The following UBE4B variants were observed in gnomAD, a reference collection of about 807,000 sequenced individuals.
The protein encoded by UBE4B is ubiquitination factor E4B.
A neutral mutation model predicts 148.1 loss-of-function variants in UBE4B; 27 were observed. That is an observed-to-expected ratio of 0.18 (90% CI 0.13 to 0.25). The LOEUF (loss-of-function observed/expected upper bound fraction) is 0.25. Ranked by LOEUF, UBE4B falls within the 10% of genes least tolerant of loss-of-function variation. UBE4B has a pLI of 1.00. For synonymous variants in UBE4B, 596 were observed against 619.3 expected (o/e 0.96, Z 0.56); for missense variants, 1,170 against 1,662.4 (o/e 0.70, Z 5.15).
At chr1:10,112,520 C>T (rs1645238604) in intron 7 of UBE4B, among the ~76,000 whole-genome samples, 1 of 152,182 alleles carries the variant, frequency 6.6e-6, no homozygotes, top group South Asian at 2.1e-4. Context: ...CTGCCTCAGC[C>T]TCCCAGGTAG....
At chr1:10,075,369 G>A (rs745635633) in intron 2 of UBE4B, among the ~76,000 whole-genome samples, 1 of 152,146 alleles carries the variant, frequency 6.6e-6, no homozygotes, top group Non-Finnish European at 1.5e-5. Flanking sequence ...TATTACCCAG[G>A]TCCAAGGCAC....
intron 2 of UBE4B, among the ~76,000 whole-genome samples, chr1:10,078,466 CTG>C (rs1440878407): frequency 6.6e-6 from 1 of 152,150 alleles, no homozygotes; most frequent in East Asian, 1.9e-4. Flanking sequence ...TGTTTAATAT[CTG>C]TGTTTATTAA....
At chr1:10,175,187 T>A (rs890401870) in intron 25 of UBE4B, among the ~76,000 whole-genome samples, 6 of 152,026 alleles carry the variant, frequency 3.9e-5, no homozygotes, top group Admixed American at 3.3e-4. Flanking sequence ...ACCACATTGG[T>A]CCTGGGAGCC....
intron 15 of UBE4B, 50 bp downstream of exon 15, chr1:10,132,532 G>T: frequency 1.9e-6 from 3 of 1,547,372 alleles, no homozygotes. Flanking sequence ...TCATTCATCT[G>T]ACCCAGATTT....
At chr1:10,052,113 C>G (rs1371171554) in intron 1 of UBE4B, among the ~76,000 whole-genome samples, 1 of 151,394 alleles carries the variant, frequency 6.6e-6, no homozygotes, top group African/African-American at 2.4e-5. Context: ...GTCACCCAGG[C>G]TGGAGTGTAG....
At chr1:10,171,034 A>T (rs918702223) in intron 24 of UBE4B, 104 bp from the exon 25 acceptor site, 3 of 1,232,272 alleles carry the variant, frequency 2.4e-6, no homozygotes, top group Non-Finnish European at 3.4e-6. Flanking sequence ...GATTCTTTGA[A>T]GATTAATCCA....
At chr1:10,160,455 C>T (rs1431090395) in intron 22 of UBE4B, among the ~76,000 whole-genome samples, 1 of 152,046 alleles carries the variant, frequency 6.6e-6, no homozygotes, top group Non-Finnish European at 1.5e-5. Flanking sequence ...TGCTGGTAAG[C>T]CTGCTCTGGG....
At chr1:10,173,003 G>A (rs1014935457) in intron 25 of UBE4B, among the ~76,000 whole-genome samples, 1 of 152,146 alleles carries the variant, frequency 6.6e-6, no homozygotes, top group African/African-American at 2.4e-5. Context: ...GAGCCTCGAC[G>A]TGGTGTAGGC....
At position 10,117,559 on chromosome 1, in the gene UBE4B, T is replaced by G. The variant is rs768400495; in HGVS notation, c.1297T>G (p.Cys433Gly). Residue 433 changes from cysteine to glycine, a missense_variant, in exon 8 of 28, where the codon TGT becomes GGT. Physicochemically the swap from Cys to Gly is radical, Grantham distance 159 (BLOSUM62 -3). Around this residue, in one of 6 missense-constraint regions of UBE4B, gnomAD observed 388 missense variants for 536.0 expected, o/e 0.72. Coordinates refer to ENST00000343090, the MANE Select transcript of UBE4B (RefSeq NM_001105562.3). ...ETDMLNYLIE[C>G]FDRVGIEEKK... Reference sequence around the variant, plus strand: ...AGATATGCTGAACTACCTCATCGAGTGTTTCGACCGAGTTGGAATAGAGGA... The same window carrying G: ...AGATATGCTGAACTACCTCATCGAGGGTTTCGACCGAGTTGGAATAGAGGA... 1 of 1,607,224 alleles carries G rather than the reference T, an allele frequency of 6.2e-7. No individual in the cohort carries two copies. The highest frequency in any genetic ancestry group is 1.3e-5 in the African/African-American group (1 of 74,304).
At chr1:10,172,111 G>T (rs1646347830) in intron 25 of UBE4B, among the ~76,000 whole-genome samples, 2 of 152,174 alleles carry the variant, frequency 1.3e-5, no homozygotes, top group South Asian at 4.2e-4. Flanking sequence ...ATCTTGTGTG[G>T]TTTTCTTTAC....
chr1:10,158,240 C>T, intron 21 of UBE4B, 116 bp from the exon 22 acceptor site: 1 of 1,341,712 alleles, frequency 7.5e-7, no homozygotes, highest in Non-Finnish European at 1.0e-6. Context: ...TGCAAAATTT[C>T]ACCAGCTCTC....
At chr1:10,034,286 A>G (rs759085308) in intron 1 of UBE4B, among the ~76,000 whole-genome samples, 11 of 152,158 alleles carry the variant, frequency 7.2e-5, no homozygotes, top group Non-Finnish European at 1.3e-4. Context: ...GACTTCTGGC[A>G]TTCTTCTGTT....
intron 2 of UBE4B, among the ~76,000 whole-genome samples, chr1:10,083,945 G>A (rs1007647634): frequency 6.6e-6 from 1 of 152,148 alleles, no homozygotes; most frequent in East Asian, 1.9e-4. Flanking sequence ...TTCTTGAGAC[G>A]TGTGCAGTGC....
At chr1:10,041,582 G>A (rs1159742932) in intron 1 of UBE4B, among the ~76,000 whole-genome samples, 1 of 151,212 alleles carries the variant, frequency 6.6e-6, no homozygotes, top group South Asian at 2.1e-4. Flanking sequence ...CGATCCCCCC[G>A]CCTCGGCCTT....
chr1:10,087,893 T>A (rs544077317), intron 2 of UBE4B, among the ~76,000 whole-genome samples: 1 of 152,310 alleles, frequency 6.6e-6, no homozygotes, highest in South Asian at 2.1e-4. Flanking sequence ...TGAGGAAAAC[T>A]TGTCCCTTCT....
intron 10 of UBE4B, 103 bp from the exon 11 acceptor site, chr1:10,126,691 A>G: frequency 1.0e-6 from 1 of 978,952 alleles, no homozygotes; most frequent in South Asian, 1.5e-5. Flanking sequence ...TCCCTGGGGA[A>G]GGAATGAAAT....
intron 1 of UBE4B, among the ~76,000 whole-genome samples, chr1:10,040,387 G>A (rs1489442159): frequency 1.3e-5 from 2 of 152,062 alleles, no homozygotes; most frequent in Admixed American, 6.6e-5. Flanking sequence ...GGGATTACAG[G>A]TGTCAGCTAC....
chr1:10,145,029 C>T lies in UBE4B; in HGVS notation c.2453C>T (p.Thr818Ile), dbSNP rs753600433. 1.2e-6 allele frequency: 2 copies of T among 1,613,358 alleles called. No homozygotes were observed. The highest frequency in any genetic ancestry group is 1.7e-6 in the Non-Finnish European group (2 of 1,179,496). Residue 818 changes from threonine (T) to isoleucine (I), a missense_variant, in exon 18 of 28, where the codon ACT becomes ATT. By Grantham distance (89) the Thr-to-Ile change is moderately conservative. Coordinates refer to ENST00000343090, the MANE Select transcript of UBE4B (RefSeq NM_001105562.3). ...CGCGAAATGCTGAAGCGCTGTAAAA[C>T]TCAGCTTAAGGTTTGTATAGCTAAG... ...RHREMLKRCK[T>I]QLKKLVRCKA...
intron 17 of UBE4B, among the ~76,000 whole-genome samples, chr1:10,137,909 C>CACTT (rs1557588149): frequency 7.5e-6 from 1 of 133,376 alleles, no homozygotes; most frequent in Non-Finnish European, 1.6e-5. Context: ...TTGCTTAAAT[C>CACTT]ACTTACTAAT....
Sources: allele counts gnomAD v4.1 joint callset (sites outside exome capture counted in the v4.1 genomes callset), GRCh38; gene constraint gnomAD v4.1.1; regional missense constraint gnomAD v4.1.1; transcripts MANE v1.5; gene names NCBI Gene and HGNC (gene_info 2026-07-23, HGNC 2026-07-21).